Variants in VPS41 observed in about 807,000 individuals in gnomAD.
The protein encoded by VPS41 is VPS41 subunit of HOPS complex.
A neutral mutation model predicts 130.9 loss-of-function variants in VPS41; 85 were observed. That is an observed-to-expected ratio of 0.65 (90% CI 0.55 to 0.78). The LOEUF is 0.78. Ranked by LOEUF, VPS41 falls within the 30% of genes least tolerant of loss-of-function variation. VPS41 has a pLI of 0.00. For missense variants in VPS41, 874 were observed against 1,018.7 expected, an observed-to-expected ratio of 0.86 and a Z score of 1.93; for synonymous variants, 335 against 332.9, an observed-to-expected ratio of 1.01 and a Z score of -0.07.
intron 3 of VPS41, among the ~76,000 whole-genome samples, chr7:38,866,623 T>C (rs1786234537): frequency 6.6e-6 from 1 of 152,190 alleles, no homozygotes; most frequent in Non-Finnish European, 1.5e-5. Context: ...CAGATAAAGA[T>C]GTTTAAGAGG....
intron 2 of VPS41, among the ~76,000 whole-genome samples, chr7:38,879,727 G>A (rs1471986004): frequency 6.6e-6 from 1 of 152,120 alleles, no homozygotes; most frequent in Non-Finnish European, 1.5e-5. Flanking sequence ...ATGCTTGTAT[G>A]AGAATCTAAT....
chr7:38,800,545 C>A (rs1784705191), intron 7 of VPS41, among the ~76,000 whole-genome samples: 3 of 152,110 alleles, frequency 2.0e-5, no homozygotes, highest in Admixed American at 1.3e-4. Context: ...ATCAAAAATT[C>A]ACTGGAGATT....
chr7:38,778,510 T>A, intron 10 of VPS41, among the ~76,000 whole-genome samples: 1 of 152,204 alleles, frequency 6.6e-6, no homozygotes, highest in Non-Finnish European at 1.5e-5. Flanking sequence ...CAGTTTCACA[T>A]TTTAGAAGAC....
chr7:38,882,946 A>C (rs934769713), intron 2 of VPS41, among the ~76,000 whole-genome samples: 1 of 152,190 alleles, frequency 6.6e-6, no homozygotes, highest in African/African-American at 2.4e-5. Flanking sequence ...GCTTACAGTA[A>C]AAAATAAAGA....
intron 6 of VPS41, among the ~76,000 whole-genome samples, 199 bp from the exon 7 acceptor site, chr7:38,818,081 C>G (rs868639749): frequency 6.6e-6 from 1 of 152,094 alleles, no homozygotes; most frequent in Non-Finnish European, 1.5e-5. Context: ...TTCTCTGAAG[C>G]CAGGTCAAAG....
intron 2 of VPS41, among the ~76,000 whole-genome samples, chr7:38,885,218 C>T (rs1340613420): frequency 4.6e-5 from 7 of 152,130 alleles, no homozygotes; most frequent in African/African-American, 1.2e-4. Flanking sequence ...GAATTACAGG[C>T]GCATGCCACT....
At chr7:38,733,784 A>G (rs1316841707) in intron 25 of VPS41, among the ~76,000 whole-genome samples, 1 of 152,202 alleles carries the variant, frequency 6.6e-6, no homozygotes, top group Non-Finnish European at 1.5e-5. Context: ...TTATTAGAGT[A>G]TCACTGACAA....
rs746916277 is a variant in VPS41, at chr7:38,743,454, T to C, written c.2070A>G (p.Gln690=). 5 of 1,614,032 alleles carry C rather than the reference T, an allele frequency of 3.1e-6. No homozygotes were observed. Among genetic ancestry groups the C allele is most frequent in the Non-Finnish European group, 1.7e-6 (2 of 1,179,902 alleles). The change falls in exon 24 of 29, where the codon CAA becomes CAG. Residue 690 remains glutamine, a synonymous_variant. Transcript: ENST00000310301. The part of the protein sequence containing the change: ...VDKAIEFAKE[Q]DDGELWEDLI... ...AATCTTCCCACAGCTCTCCATCATC[T>C]TGCTCCTTGGCAAATTCGATTGCTT...
intron 4 of VPS41, among the ~76,000 whole-genome samples, 180 bp from the exon 5 acceptor site, chr7:38,830,508 TACA>T (rs755152820): frequency 1.3e-5 from 2 of 152,234 alleles, no homozygotes; most frequent in Non-Finnish European, 2.9e-5. Context: ...CTACGGCAGC[TACA>T]ACATGAGCTT....
intron 16 of VPS41, 22 bp from the exon 17 acceptor site, chr7:38,763,569 A>G (rs1365409010): frequency 6.6e-7 from 1 of 1,522,236 alleles, no homozygotes. Context: ...AAAGGGAAAA[A>G]AAAGTCCATT....
intron 25 of VPS41, among the ~76,000 whole-genome samples, chr7:38,731,607 C>T (rs1795663860): frequency 6.6e-6 from 1 of 152,148 alleles, no homozygotes; most frequent in Admixed American, 6.5e-5. Flanking sequence ...ACTATCATCA[C>T]CTTCCCCATC....
Position 38,869,153 on chromosome 7 carries a change from T to C in VPS41, c.161A>G (p.His54Arg), listed in dbSNP as rs1239399651. 10 of 1,584,538 alleles carry C rather than the reference T, an allele frequency of 6.3e-6. No homozygotes were observed. The highest frequency in any genetic ancestry group is 8.6e-6 in the Non-Finnish European group (10 of 1,163,408). ...QKDAASCMTV[H>R]DKFLALGTHY... is the part of the protein sequence containing the mutation. The stretch of plus-strand genomic sequence containing the variant: ...CTGAAAGTGCTATCTTACCTTGTCA[T>C]GGACTGTCATGCAGCTAGCTGCATC... Residue 54 changes from histidine (H) to arginine (R), a missense_variant, in exon 3 of 29, where the codon CAT becomes CGT. Physicochemically the swap from His to Arg is conservative, Grantham distance 29. Transcript: ENST00000310301.
intron 7 of VPS41, among the ~76,000 whole-genome samples, chr7:38,813,875 C>CTTT (rs1784990548): frequency 6.6e-6 from 1 of 151,870 alleles, no homozygotes; most frequent in South Asian, 2.1e-4. Flanking sequence ...TTTTGGAGAA[C>CTTT]TGAATAGGAA....
At chr7:38,773,757 T>C (rs758609593) in intron 12 of VPS41, among the ~76,000 whole-genome samples, 11 of 152,148 alleles carry the variant, frequency 7.2e-5, no homozygotes, top group Admixed American at 1.3e-4. Flanking sequence ...AGAGCGAACT[T>C]TCCTGACACA....
At chr7:38,847,781 G>T (rs1038132420) in intron 4 of VPS41, among the ~76,000 whole-genome samples, 1 of 152,142 alleles carries the variant, frequency 6.6e-6, no homozygotes. Flanking sequence ...GTAAAGGTGT[G>T]TTCTTATTTT....
chr7:38,858,255 A>G (rs1046247411), intron 4 of VPS41, among the ~76,000 whole-genome samples: 1 of 152,226 alleles, frequency 6.6e-6, no homozygotes, highest in Non-Finnish European at 1.5e-5. Context: ...TTAGGGCAAA[A>G]TACTTTGACT....
At chr7:38,828,872 A>G (rs1398382670) in intron 5 of VPS41, among the ~76,000 whole-genome samples, 2 of 152,188 alleles carry the variant, frequency 1.3e-5, no homozygotes, top group African/African-American at 4.8e-5. Flanking sequence ...GGTGCATTAA[A>G]TAACAATTCT....
chr7:38,783,291 C>A (rs1283002668), intron 10 of VPS41, among the ~76,000 whole-genome samples: 2 of 151,766 alleles, frequency 1.3e-5, no homozygotes, highest in Admixed American at 6.6e-5. Flanking sequence ...AATCCCAGCA[C>A]TTTGGGAGGC....
chr7:38,901,732 T>A (rs1278672811), intron 1 of VPS41, among the ~76,000 whole-genome samples: 1 of 152,084 alleles, frequency 6.6e-6, no homozygotes, highest in Admixed American at 6.5e-5. Context: ...TGCCACTGAA[T>A]CATACACTTA....
Sources: gnomAD v4.1 joint callset for allele counts (sites outside exome capture counted in the v4.1 genomes callset) on GRCh38, gnomAD v4.1.1 for gene constraint, MANE v1.5 for transcripts, NCBI Gene and HGNC (gene_info 2026-07-23, HGNC 2026-07-21) for gene names.